The following NBAS variants were observed in gnomAD, a reference collection of about 807,000 sequenced individuals.
The protein encoded by NBAS is NBAS subunit of NRZ tethering complex.
A neutral mutation model predicts 302.5 loss-of-function variants in NBAS; 219 were observed. The observed-to-expected ratio is 0.72, with a 90% CI of 0.65 to 0.81. The LOEUF (loss-of-function observed/expected upper bound fraction) is 0.81, where lower values mean the gene tolerates loss of function less well. Among genes scored for constraint, NBAS ranks in the 30% least tolerant of loss-of-function variants. The pLI is 0.00. For missense variants in NBAS, 2,932 were observed against 2,841.6 expected (o/e 1.03, Z -0.72); for synonymous variants, 1,118 against 1,021.6 (o/e 1.09, Z -1.80).
At chr2:15,251,695 G>A (rs115791369) in intron 44 of NBAS, among the ~76,000 whole-genome samples, 5,009 of 152,248 alleles carry the variant, frequency 0.033, 318 homozygotes, top group African/African-American at 0.11. Context: ...ACGCTGGTGG[G>A]AATGTAGCAG....
At chr2:14,996,589 T>C in the NBAS span, among the ~76,000 whole-genome samples, 3 of 152,218 alleles carry the variant, frequency 2.0e-5, no homozygotes, top group South Asian at 2.1e-4. Flanking sequence ...TCGGAAGATA[T>C]TGTTGTCTCT....
At chr2:15,229,545 G>T (rs546172981) in intron 47 of NBAS, among the ~76,000 whole-genome samples, 6 of 152,034 alleles carry the variant, frequency 3.9e-5, no homozygotes, top group African/African-American at 1.4e-4. Context: ...ACTTTGGGAG[G>T]CCGACGTGGG....
intron 35 of NBAS, among the ~76,000 whole-genome samples, chr2:15,347,267 T>C (rs1245159102): frequency 6.6e-6 from 1 of 152,202 alleles, no homozygotes; most frequent in Non-Finnish European, 1.5e-5. Context: ...TCTTCAGATG[T>C]TAGACATAAT....
At chr2:15,479,271 C>A (rs982991773) in intron 12 of NBAS, among the ~76,000 whole-genome samples, 3 of 152,042 alleles carry the variant, frequency 2.0e-5, no homozygotes, top group Admixed American at 6.6e-5. Flanking sequence ...AATGGAGTGT[C>A]CTGGTTTACT....
intron 44 of NBAS, among the ~76,000 whole-genome samples, chr2:15,271,477 G>C (rs1464546867): frequency 2.0e-5 from 3 of 152,146 alleles, no homozygotes; most frequent in African/African-American, 7.2e-5. Context: ...AAGGCAGCAC[G>C]TGCAAGGTGG....
At position 15,504,173 on chromosome 2, in the gene NBAS, T is replaced by C; in HGVS notation, c.926A>G (p.Lys309Arg). ...TTCTTGTCCCTGGCGACTGTAAAACTTGACACTTAACATCCTTAATAATCC... is the reference window on the plus strand; with the variant it reads ...TTCTTGTCCCTGGCGACTGTAAAACCTGACACTTAACATCCTTAATAATCC... Reference protein sequence around the residue: ...TLGLLRMLSVKFYSRQGQEQD... With the variant: ...TLGLLRMLSVRFYSRQGQEQD... The change falls in exon 11 of 52, where the codon AAG (lysine) becomes AGG (arginine). Residue 309 changes from lysine to arginine, a missense_variant. By Grantham distance (26) the Lys-to-Arg change is conservative (BLOSUM62 2). Coordinates refer to ENST00000281513, the MANE Select transcript of NBAS (RefSeq NM_015909.4). 6.2e-7 allele frequency: 1 copy of C among 1,613,686 alleles called. No homozygotes were observed. Among genetic ancestry groups the C allele is most frequent in the Non-Finnish European group, 8.5e-7 (1 of 1,179,632 alleles).
At chr2:15,175,520 C>G (rs1423735647) in intron 51 of NBAS, among the ~76,000 whole-genome samples, 1 of 152,144 alleles carries the variant, frequency 6.6e-6, no homozygotes, top group Non-Finnish European at 1.5e-5. Flanking sequence ...TCCAGAGATG[C>G]GAGTCAAACA....
rs189183821 is a variant in NBAS, at chr2:15,414,703, A to G, written c.2937+843T>C. Among the ~76,000 whole-genome samples the G allele has an allele frequency of 6.8e-3, 1,029 of 152,226 alleles. 12 individuals carry two copies. Among genetic ancestry groups the G allele is most frequent in the African/African-American group, 0.022 (928 of 41,556 alleles). On this transcript the variant is annotated intron_variant, in intron 25 of 51. Coordinates refer to ENST00000281513, the MANE Select transcript of NBAS (RefSeq NM_015909.4). Reference sequence around the variant, plus strand: ...CTCACGCCTGTAATCCCAGCACTTTAGGAGGCCGAGGCAGGCGGATCACCT... The same window carrying G: ...CTCACGCCTGTAATCCCAGCACTTTGGGAGGCCGAGGCAGGCGGATCACCT...
chr2:15,118,496 T>C, the NBAS span, among the ~76,000 whole-genome samples: 1 of 152,186 alleles, frequency 6.6e-6, no homozygotes, highest in African/African-American at 2.4e-5. Flanking sequence ...GCCCTGTGAC[T>C]TGACCTCACC....
chr2:15,390,103 A>C (rs182853032), intron 28 of NBAS, among the ~76,000 whole-genome samples: 36 of 152,236 alleles, frequency 2.4e-4, no homozygotes, highest in Non-Finnish European at 3.8e-4. Flanking sequence ...CTACAATAAA[A>C]CTGCCTGAGG....
At chr2:15,378,358 A>G (rs1195839671) in intron 30 of NBAS, among the ~76,000 whole-genome samples, 1 of 152,170 alleles carries the variant, frequency 6.6e-6, no homozygotes, top group Non-Finnish European at 1.5e-5. Flanking sequence ...TATTAGAGGA[A>G]CTAGACACTG....
chr2:15,343,678 T>C (rs942969686), intron 35 of NBAS, among the ~76,000 whole-genome samples: 4 of 151,954 alleles, frequency 2.6e-5, no homozygotes, highest in Non-Finnish European at 5.9e-5. Flanking sequence ...AAGTCTATAC[T>C]TATTTCAAAA....
At chr2:15,545,254 A>G (rs1360221150) in intron 6 of NBAS, among the ~76,000 whole-genome samples, 2 of 152,214 alleles carry the variant, frequency 1.3e-5, no homozygotes, top group African/African-American at 2.4e-5. Context: ...AAATTCAGTA[A>G]TCTAAATTTC....
intron 51 of NBAS, among the ~76,000 whole-genome samples, chr2:15,177,081 C>G (rs1213497594): frequency 6.6e-6 from 1 of 152,162 alleles, no homozygotes; most frequent in African/African-American, 2.4e-5. Flanking sequence ...AAGGAAGGAT[C>G]TGAATGGTAG....
At chr2:15,040,959 T>G in the NBAS span, among the ~76,000 whole-genome samples, 1 of 152,230 alleles carries the variant, frequency 6.6e-6, no homozygotes, top group Non-Finnish European at 1.5e-5. Context: ...TACTGCCTAA[T>G]TAAACTTTCC....
At chr2:14,920,783 A>G in the NBAS span, among the ~76,000 whole-genome samples, 1 of 152,138 alleles carries the variant, frequency 6.6e-6, no homozygotes, top group Non-Finnish European at 1.5e-5. Flanking sequence ...CTGAGCCTTC[A>G]TAGAATTAAA....
chr2:14,943,253 A>G, the NBAS span, among the ~76,000 whole-genome samples: 3 of 152,264 alleles, frequency 2.0e-5, no homozygotes, highest in African/African-American at 7.2e-5. Flanking sequence ...GCTTTACTAC[A>G]TCTGCATCAA....
the NBAS span, among the ~76,000 whole-genome samples, chr2:15,084,329 C>T: frequency 1.2e-4 from 19 of 152,228 alleles, no homozygotes; most frequent in African/African-American, 3.9e-4. Flanking sequence ...TCCCAAAGTG[C>T]TGGTATTACA....
chr2:14,847,645 T>G, the NBAS span, among the ~76,000 whole-genome samples: 4 of 152,032 alleles, frequency 2.6e-5, no homozygotes, highest in Non-Finnish European at 4.4e-5. Context: ...AAAGAAAATA[T>G]TATTAGGGCT....
Sources: allele counts gnomAD v4.1 joint callset (sites outside exome capture counted in the v4.1 genomes callset), GRCh38; gene constraint gnomAD v4.1.1; transcripts MANE v1.5; gene names NCBI Gene and HGNC (gene_info 2026-07-23, HGNC 2026-07-21).